The following ADHFE1 variants were observed in gnomAD, a reference collection of about 807,000 sequenced individuals.
ADHFE1 encodes the protein alcohol dehydrogenase iron containing 1, also known as hydroxyacid-oxoacid transhydrogenase, mitochondrial.
ADHFE1 carries 37 observed loss-of-function variants against 54.8 expected under a neutral mutation model. The observed-to-expected ratio is 0.68, with a 90% confidence interval of 0.52 to 0.89. The LOEUF (loss-of-function observed/expected upper bound fraction) is 0.89, where lower values mean the gene tolerates loss of function less well. ADHFE1 is among the 40% of genes least tolerant of loss of function. The pLI is 0.00. For synonymous variants in ADHFE1, 203 were observed against 229.3 expected (o/e 0.89, Z 1.04); for missense variants, 601 against 591.2 (o/e 1.02, Z -0.17).
Position 66,432,594 on chromosome 8 carries a change from G to T in ADHFE1, c.59+19G>T. On this transcript the variant is annotated intron_variant, in intron 1 of 13. Transcript: ENST00000396623. ...GCGCAGCGTGAGTGCGGGGCCGGCG[G>T]GCGGGCAGGGGACCGCAGGGTGCCC... 7.7e-7 allele frequency: 1 copy of T among 1,298,902 alleles called. No homozygotes were observed. The allele number at this position is 1,298,902 out of a possible 1,614,324, so 80.5% of individuals were successfully genotyped here.
intron 8 of ADHFE1, among the ~76,000 whole-genome samples, chr8:66,449,955 C>CA (rs35001573): frequency 2.6e-5 from 4 of 152,008 alleles, no homozygotes; most frequent in Non-Finnish European, 1.5e-5. Flanking sequence ...CTCATCTCCA[C>CA]AAAAAAAAGT....
At chr8:66,459,757 T>C (rs1806798944) in intron 12 of ADHFE1, among the ~76,000 whole-genome samples, 1 of 152,218 alleles carries the variant, frequency 6.6e-6, no homozygotes, top group Non-Finnish European at 1.5e-5. Context: ...GTTTTATAGC[T>C]ATAGAGGACA....
At chr8:66,453,714 G>T (rs750195492) in intron 9 of ADHFE1, 13 of 1,371,708 alleles carry the variant, frequency 9.5e-6, no homozygotes, top group Non-Finnish European at 1.2e-5. Context: ...TCACAGGGCC[G>T]TCAACAGCAC....
intron 3 of ADHFE1, 132 bp from the exon 4 acceptor site, chr8:66,444,235 G>A: frequency 1.3e-6 from 1 of 754,738 alleles, no homozygotes; most frequent in Non-Finnish European, 2.2e-6. Context: ...CCAGGTGGGA[G>A]ATGACCTGGA....
chr8:66,449,222 C>A (rs1391686568), intron 8 of ADHFE1, among the ~76,000 whole-genome samples: 1 of 152,026 alleles, frequency 6.6e-6, no homozygotes, highest in African/African-American at 2.4e-5. Context: ...CATAGGGATG[C>A]CGCTAAAGGG....
rs1346440839 is a variant in ADHFE1 at position 66,444,348 on chromosome 8, A to G, written c.145-19A>G. 5 of 1,613,426 alleles carry G rather than the reference A, an allele frequency of 3.1e-6. No individual in the cohort carries two copies. The highest frequency in any genetic ancestry group is 4.2e-6 in the Non-Finnish European group (5 of 1,179,586). ...ACTCTCAAATACTCCCTACACCTAA[A>G]CCTTTTTATTTTTTTCAGATGGCTG... On this transcript the variant is annotated intron_variant, in intron 3 of 13. Coordinates refer to ENST00000396623, the MANE Select transcript of ADHFE1 (RefSeq NM_144650.3).
At chr8:66,445,458 C>A in intron 6 of ADHFE1, 44 bp downstream of exon 6, 1 of 1,526,422 alleles carries the variant, frequency 6.6e-7, no homozygotes, top group South Asian at 1.2e-5. Flanking sequence ...TTGCAATGAG[C>A]AATAGATCTT....
At position 66,468,449 on chromosome 8, in the gene ADHFE1, CT is replaced by C; in HGVS notation, c.*99del. ...TTTGTCTTTTCATCTTTGCGCATAA[CT>C]TACCTGTTACCAGTATAGGTGGGAT... On this transcript the variant is annotated 3_prime_UTR_variant, in exon 14 of 14. Transcript: ENST00000396623. 1 of 936,000 alleles carries C rather than the reference CT, an allele frequency of 1.1e-6. No homozygotes were observed. The highest frequency in any genetic ancestry group is 1.6e-6 in the Non-Finnish European group (1 of 635,116). The allele number at this position is 936,000 out of a possible 1,614,324, so 58.0% of individuals were successfully genotyped here. A position where few individuals can be genotyped will look rare whatever the true frequency, so the allele number is the denominator to read the frequency against.
chr8:66,468,845 T>C lies in ADHFE1; in HGVS notation c.*493T>C, dbSNP rs1210103098. ...TCATTATTGGTATATAGATCACTTA[T>C]AGTATACTAGACAGTGGAATACTAT... On this transcript the variant is annotated 3_prime_UTR_variant, in exon 14 of 14. Coordinates refer to ENST00000396623, the MANE Select transcript of ADHFE1 (RefSeq NM_144650.3). The C allele has an allele frequency of 6.5e-6, 1 of 152,984 alleles. No homozygotes were observed. The highest frequency in any genetic ancestry group is 2.4e-5 in the African/African-American group (1 of 41,456). 9.5% of individuals were successfully genotyped at this position (152,984 alleles called of 1,614,324 possible). A position where few individuals can be genotyped will look rare whatever the true frequency, so the allele number is the denominator to read the frequency against.
At chr8:66,464,675 T>G (rs1807075995) in intron 13 of ADHFE1, among the ~76,000 whole-genome samples, 1 of 152,244 alleles carries the variant, frequency 6.6e-6, no homozygotes, top group Admixed American at 6.5e-5. Flanking sequence ...CCTTTCTTCC[T>G]GCTTTAACTT....
At chr8:66,456,927 A>G in intron 11 of ADHFE1, 32 bp downstream of exon 11, 1 of 1,455,418 alleles carries the variant, frequency 6.9e-7, no homozygotes, top group Non-Finnish European at 9.2e-7. Context: ...ATTTAATTAA[A>G]TATTATAATC....
Position 66,439,849 on chromosome 8 carries a change from C to T in ADHFE1, c.60-313C>T. The stretch of plus-strand genomic sequence containing the variant: ...GCTGGGGCTTCATGGAGACCAGAGA[C>T]CCCCATCTTAAACTTGCATGTACCC... On this transcript the variant is annotated intron_variant, in intron 1 of 13. Coordinates refer to ENST00000396623, the MANE Select transcript of ADHFE1 (RefSeq NM_144650.3). The surrounding 1 kb of genome is among the most constrained non-coding windows in gnomAD (Gnocchi z 4.4). The T allele has an allele frequency of 1.0e-6, 1 of 1,002,930 alleles. No individual in the cohort carries two copies. Among genetic ancestry groups the T allele is most frequent in the South Asian group, 3.1e-5 (1 of 32,584 alleles). The allele number at this position is 1,002,930 out of a possible 1,614,324, so 62.1% of individuals were successfully genotyped here. A position where few individuals can be genotyped will look rare whatever the true frequency, so the allele number is the denominator to read the frequency against.
chr8:66,445,841 C>T (rs1192611493), intron 6 of ADHFE1, among the ~76,000 whole-genome samples: 1 of 152,164 alleles, frequency 6.6e-6, no homozygotes, highest in Non-Finnish European at 1.5e-5. Context: ...TTCAGCTGAC[C>T]TCAGGCTTTG....
At chr8:66,456,088 A>G (rs972796117) in intron 10 of ADHFE1, among the ~76,000 whole-genome samples, 8 of 152,300 alleles carry the variant, frequency 5.3e-5, no homozygotes, top group South Asian at 4.1e-4. Context: ...GCATTGAGCT[A>G]TGATCACACC....
In ADHFE1 at chr8:66,451,957, G is replaced by T. The variant is rs1412169848; in HGVS notation, c.739G>T (p.Ala247Ser). 61 of 1,613,816 alleles carry T rather than the reference G, an allele frequency of 3.8e-5. No individual in the cohort carries two copies. The highest frequency in any genetic ancestry group is 5.1e-5 in the Non-Finnish European group (60 of 1,179,898). Residue 247 changes from alanine to serine, a missense_variant, in exon 9 of 14, where the codon GCC (alanine) becomes TCC (serine). Ala to Ser is a moderately conservative substitution (Grantham distance 99). Transcript: ENST00000396623. ...ACTTTCAATATTTCTTTTTAGCCAT[G>T]CCCTGGAGTCATACACCACCCTGCC... Reference protein sequence around the residue: ...ANSGFDVLCHALESYTTLPYH... With the variant: ...ANSGFDVLCHSLESYTTLPYH...
At chr8:66,443,847 A>T (rs1030419) in intron 3 of ADHFE1, among the ~76,000 whole-genome samples, 1 of 151,998 alleles carries the variant, frequency 6.6e-6, no homozygotes, top group Admixed American at 6.6e-5. Context: ...AAATTTAAAC[A>T]TAACACAGAT....
rs138442837 is a variant in ADHFE1, at chr8:66,444,431, G to A, written c.198+11G>A. On this transcript the variant is annotated intron_variant, in intron 4 of 13. Transcript: ENST00000396623. ...AAGGAAGTAGGAATGGCAAGTATTC[G>A]AGATGTCTACGGTCTCCTACTGTAA... The A allele has an allele frequency of 1.4e-5, 22 of 1,613,636 alleles. No homozygotes were observed. Among genetic ancestry groups the A allele is most frequent in the Middle Eastern group, 1.7e-4 (1 of 6,050 alleles).
At chr8:66,460,068 C>T in intron 12 of ADHFE1, 2 of 500,690 alleles carry the variant, frequency 4.0e-6, no homozygotes, top group South Asian at 2.6e-5. Flanking sequence ...GTCTTTGTTC[C>T]TCTTCTTCCT....
intron 11 of ADHFE1, 87 bp from the exon 12 acceptor site, chr8:66,456,983 G>C (rs555500433): frequency 4.3e-5 from 65 of 1,501,672 alleles, no homozygotes; most frequent in Non-Finnish European, 5.7e-5. Context: ...CCTGCTTAGA[G>C]TATGGGGTAA....
Sources: allele counts gnomAD v4.1 joint callset (sites outside exome capture counted in the v4.1 genomes callset), GRCh38; gene constraint gnomAD v4.1.1; non-coding constraint Gnocchi (gnomAD v3.1); transcripts MANE v1.5; gene names NCBI Gene and HGNC (gene_info 2026-07-23, HGNC 2026-07-21).